Variants in PKHD1 observed in about 807,000 individuals in gnomAD.
The protein encoded by PKHD1 is fibrocystin.
Under a neutral mutation model 412.0 loss-of-function variants are expected in PKHD1, and 291 were observed. The observed-to-expected ratio is 0.71, with a 90% CI of 0.64 to 0.78. The LOEUF is 0.78. Among genes scored for constraint, PKHD1 ranks in the 30% least tolerant of loss-of-function variants. PKHD1 has a pLI of 0.00. For missense variants in PKHD1, 4,825 were observed against 4,950.7 expected (o/e 0.97, Z 0.76); for synonymous variants, 1,777 against 1,821.5 (o/e 0.98, Z 0.62).
chr6:51,788,404 G>A (rs1793217924), intron 53 of PKHD1, among the ~76,000 whole-genome samples: 1 of 148,494 alleles, frequency 6.7e-6, no homozygotes, highest in East Asian at 2.1e-4. Context: ...GCTGACCTAT[G>A]TGTACTGCAT....
intron 29 of PKHD1, among the ~76,000 whole-genome samples, chr6:52,032,631 T>C (rs1405360394): frequency 2.6e-5 from 4 of 152,222 alleles, no homozygotes; most frequent in Non-Finnish European, 5.9e-5. Context: ...TTAGATAAAT[T>C]ACTTATTCTC....
rs1410544706 is a variant in PKHD1, at chr6:52,056,970, C to A, written c.1522G>T (p.Val508Leu). Residue 508 changes from valine to leucine, a missense_variant, in exon 17 of 67, where the codon GTA becomes TTA. Val to Leu is a conservative substitution (Grantham distance 32). Transcript: ENST00000371117. ...QRLPEVQVLN[V>L]SGRGNFFLTW... is the part of the protein sequence containing the mutation. ...AGGAAGAAGTTTCCTCTGCCTGATA[C>A]ATTCAGCACCTAAAAAAGTCAAGAC... is the stretch of plus-strand genomic sequence containing the variant. 1 of 1,611,776 alleles carries A rather than the reference C, an allele frequency of 6.2e-7. No homozygotes were observed. The highest frequency in any genetic ancestry group is 1.1e-5 in the South Asian group (1 of 91,020).
chr6:51,760,412 G>A (rs534588320), intron 55 of PKHD1, among the ~76,000 whole-genome samples: 1 of 152,202 alleles, frequency 6.6e-6, no homozygotes, highest in East Asian at 1.9e-4. Flanking sequence ...ACATCTTAGT[G>A]TTATGCTTTT....
intron 60 of PKHD1, among the ~76,000 whole-genome samples, chr6:51,684,505 G>C (rs965164070): frequency 6.6e-6 from 1 of 151,970 alleles, no homozygotes; most frequent in Non-Finnish European, 1.5e-5. Flanking sequence ...AAAAATACAA[G>C]CAATCTGACA....
intron 52 of PKHD1, among the ~76,000 whole-genome samples, chr6:51,807,437 C>CA (rs1174429085): frequency 0.097 from 3,797 of 39,012 alleles, 270 homozygotes; most frequent in Non-Finnish European, 0.14. Context: ...GACTCTGTCT[C>CA]AAAAAAAAAA....
chr6:51,845,289 C>T (rs555886422), intron 50 of PKHD1, among the ~76,000 whole-genome samples: 8 of 152,316 alleles, frequency 5.3e-5, no homozygotes, highest in African/African-American at 1.4e-4. Context: ...AGCTACATGG[C>T]GCACTGCCAT....
intron 34 of PKHD1, among the ~76,000 whole-genome samples, chr6:52,011,776 C>A: frequency 6.6e-6 from 1 of 152,226 alleles, no homozygotes; most frequent in Non-Finnish European, 1.5e-5. Flanking sequence ...TCTGTATCTA[C>A]CTAAGACATG....
At chr6:51,893,760 G>C (rs530502685) in intron 43 of PKHD1, among the ~76,000 whole-genome samples, 1 of 151,376 alleles carries the variant, frequency 6.6e-6, no homozygotes, top group Non-Finnish European at 1.5e-5. Flanking sequence ...TAGAAAAAAA[G>C]TGAGTTAACC....
rs996420888 is a variant in PKHD1 at position 51,649,095 on chromosome 6, A to G, written c.11300T>C (p.Leu3767Ser). Residue 3767 changes from leucine to serine, a missense_variant, in exon 62 of 67, where the codon TTG becomes TCG. By Grantham distance (145) the Leu-to-Ser change is moderately radical (BLOSUM62 -2). Coordinates refer to ENST00000371117, the MANE Select transcript of PKHD1 (RefSeq NM_138694.4). The stretch of plus-strand genomic sequence containing the variant: ...CCTGTGAAAAGTTACCTGCTCATCC[A>G]AAAATACCAATTGTGGCTGCACTGG... The part of the protein sequence containing the change: ...ELPVQPQLVF[L>S]DEQNRRVESL... 2 of 1,613,218 alleles carry G rather than the reference A, an allele frequency of 1.2e-6. No homozygotes were observed. Among genetic ancestry groups the G allele is most frequent in the East Asian group, 2.2e-5 (1 of 44,862 alleles).
intron 50 of PKHD1, among the ~76,000 whole-genome samples, chr6:51,846,900 C>G (rs982004314): frequency 2.4e-4 from 36 of 152,268 alleles, no homozygotes; most frequent in Admixed American, 2.2e-3. Context: ...GTACTCTCTA[C>G]CTTGGACTCT....
intron 60 of PKHD1, among the ~76,000 whole-genome samples, chr6:51,715,215 T>A (rs569863304): frequency 6.6e-6 from 1 of 152,256 alleles, no homozygotes; most frequent in Non-Finnish European, 1.5e-5. Context: ...GAACAGTTAT[T>A]ATCATGCCCA....
At chr6:51,937,316 A>T (rs1444357852) in intron 36 of PKHD1, among the ~76,000 whole-genome samples, 1 of 152,220 alleles carries the variant, frequency 6.6e-6, no homozygotes, top group Non-Finnish European at 1.5e-5. Context: ...CCTAAAACAT[A>T]TAAAACCAAG....
At chr6:51,767,326 A>C (rs764372869) in intron 55 of PKHD1, among the ~76,000 whole-genome samples, 2 of 151,428 alleles carry the variant, frequency 1.3e-5, no homozygotes, top group Non-Finnish European at 2.9e-5. Flanking sequence ...TGTTCCTCTT[A>C]TTCTTTTCTT....
chr6:52,015,058 T>C (rs551015139), intron 34 of PKHD1, among the ~76,000 whole-genome samples: 10 of 152,296 alleles, frequency 6.6e-5, no homozygotes, highest in African/African-American at 2.2e-4. Flanking sequence ...TAGTAACCTA[T>C]GTGTGTACAA....
intron 61 of PKHD1, among the ~76,000 whole-genome samples, chr6:51,654,390 G>C (rs1347138756): frequency 6.6e-6 from 1 of 151,986 alleles, no homozygotes; most frequent in Admixed American, 6.6e-5. Flanking sequence ...CAAATCTCTA[G>C]ATTCTTATAG....
At chr6:51,789,271 T>C (rs1367019742) in intron 53 of PKHD1, among the ~76,000 whole-genome samples, 1 of 152,222 alleles carries the variant, frequency 6.6e-6, no homozygotes, top group African/African-American at 2.4e-5. Flanking sequence ...AATTTCATTT[T>C]TAAAAGCCCA....
intron 60 of PKHD1, among the ~76,000 whole-genome samples, chr6:51,710,614 C>T (rs944834238): frequency 6.6e-6 from 1 of 151,960 alleles, no homozygotes; most frequent in Non-Finnish European, 1.5e-5. Context: ...TTCTGGGACC[C>T]AGGCCAAACT....
At position 52,084,922 on chromosome 6, in the gene PKHD1, CCAGGCAGT is replaced by C. The variant is rs1812541657; in HGVS notation, c.4_11del (p.Thr2AlafsTer8). On this transcript the variant is annotated frameshift_variant, in exon 2 of 67. Transcript: ENST00000371117. LOFTEE classifies it high-confidence loss of function. Reference sequence around the variant, plus strand: ...CTTCAATACTCATCAGAGAGATCAGCCAGGCAGTCATTCTGTCCACTTAAATCAATACT... The same window carrying C: ...CTTCAATACTCATCAGAGAGATCAGCCATTCTGTCCACTTAAATCAATACT... 1 of 1,606,160 alleles carries C rather than the reference CCAGGCAGT, an allele frequency of 6.2e-7. No homozygotes were observed. The highest frequency in any genetic ancestry group is 8.5e-7 in the Non-Finnish European group (1 of 1,172,874).
At chr6:51,845,334 C>A (rs1172264130) in intron 50 of PKHD1, among the ~76,000 whole-genome samples, 4 of 152,208 alleles carry the variant, frequency 2.6e-5, no homozygotes, top group Non-Finnish European at 5.9e-5. Context: ...CCTGCTGAGT[C>A]CTCATACCAT....
Sources: gnomAD v4.1 joint callset for allele counts (sites outside exome capture counted in the v4.1 genomes callset) on GRCh38, gnomAD v4.1.1 for gene constraint, MANE v1.5 for transcripts, NCBI Gene and HGNC (gene_info 2026-07-23, HGNC 2026-07-21) for gene names.